SEMA3A: variants seen among roughly 807,000 people sequenced by gnomAD.
SEMA3A encodes the protein semaphorin 3A, also known as semaphorin-3A.
In SEMA3A, 29 loss-of-function variants were observed where a neutral mutation model predicts 97.9. The observed-to-expected ratio is 0.30, with a 90% CI of 0.22 to 0.40. The LOEUF (loss-of-function observed/expected upper bound fraction) is 0.40. Among genes scored for constraint, SEMA3A ranks in the 10% least tolerant of loss-of-function variants. The pLI is 1.00. For missense variants in SEMA3A, 763 were observed against 951.3 expected (o/e 0.80, Z 2.60); for synonymous variants, 321 against 323.7 (o/e 0.99, Z 0.09).
intron 1 of SEMA3A, among the ~76,000 whole-genome samples, chr7:84,484,644 T>C (rs764507556): frequency 6.6e-6 from 1 of 152,170 alleles, no homozygotes; most frequent in Admixed American, 6.6e-5. Context: ...AAAGATTTTA[T>C]GTAAAAATAT....
At chr7:84,313,018 T>C (rs1801382953) in intron 2 of SEMA3A, among the ~76,000 whole-genome samples, 1 of 143,382 alleles carries the variant, frequency 7.0e-6, no homozygotes, top group Non-Finnish European at 1.5e-5. Flanking sequence ...GTATATTATA[T>C]ATGTAGGTAT....
At chr7:84,110,406 T>A in intron 4 of SEMA3A, 64 bp downstream of exon 4, 1 of 1,575,482 alleles carries the variant, frequency 6.3e-7, no homozygotes, top group Non-Finnish European at 8.7e-7. Flanking sequence ...AAGAAATTAG[T>A]AATGAAGCAT....
intron 5 of SEMA3A, among the ~76,000 whole-genome samples, chr7:84,050,153 T>G (rs1023402417): frequency 2.0e-5 from 3 of 152,054 alleles, no homozygotes; most frequent in Non-Finnish European, 2.9e-5. Context: ...TTTGTTATTG[T>G]GAATAATGCC....
At chr7:84,343,715 T>A (rs73711529) in intron 2 of SEMA3A, among the ~76,000 whole-genome samples, 4,155 of 152,090 alleles carry the variant, frequency 0.027, 179 homozygotes, top group African/African-American at 0.095. Context: ...ATAGAAAAAT[T>A]GTGACTGGGC....
At chr7:84,037,448 C>G (rs1185610344) in intron 6 of SEMA3A, among the ~76,000 whole-genome samples, 1 of 152,064 alleles carries the variant, frequency 6.6e-6, no homozygotes, top group African/African-American at 2.4e-5. Flanking sequence ...CCATCTCAGC[C>G]TCCCAAGTAA....
Position 84,030,472 on chromosome 7 carries a change from A to C in SEMA3A, c.667+15852T>G, listed in dbSNP as rs144239949. On this transcript the variant is annotated intron_variant, in intron 6 of 16. Coordinates refer to ENST00000265362, the MANE Select transcript of SEMA3A (RefSeq NM_006080.3). Reference sequence around the variant, plus strand: ...TTTTTAAAAGTTTCAGTGCTTCAGCAGGAGCTAAAAAAAATTGAACACACC... The same window carrying C: ...TTTTTAAAAGTTTCAGTGCTTCAGCCGGAGCTAAAAAAAATTGAACACACC... Among the ~76,000 whole-genome samples the C allele has an allele frequency of 5.7e-3, 867 of 152,214 alleles. 5 individuals carry two copies. Among genetic ancestry groups the C allele is most frequent in the Middle Eastern group, 0.01 (3 of 294 alleles).
At chr7:84,460,575 T>C (rs1805808412) in intron 1 of SEMA3A, among the ~76,000 whole-genome samples, 1 of 152,212 alleles carries the variant, frequency 6.6e-6, no homozygotes, top group South Asian at 2.1e-4. Flanking sequence ...AGTTAAATGA[T>C]TATTCACAAT....
intron 15 of SEMA3A, among the ~76,000 whole-genome samples, chr7:83,972,487 G>C (rs952658957): frequency 3.3e-5 from 5 of 152,010 alleles, no homozygotes; most frequent in Non-Finnish European, 5.9e-5. Context: ...CTCTATGCCA[G>C]AGCAAAATTA....
intron 6 of SEMA3A, among the ~76,000 whole-genome samples, chr7:84,023,630 T>A (rs918786563): frequency 6.6e-6 from 1 of 152,134 alleles, no homozygotes; most frequent in Non-Finnish European, 1.5e-5. Context: ...GCGGAACATA[T>A]AACCCCACTG....
chr7:84,392,725 A>C (rs2116180518), intron 1 of SEMA3A, among the ~76,000 whole-genome samples: 1 of 152,286 alleles, frequency 6.6e-6, no homozygotes, highest in South Asian at 2.1e-4. Flanking sequence ...TCTTTTTAAT[A>C]ATAACCATTT....
intron 3 of SEMA3A, among the ~76,000 whole-genome samples, chr7:84,245,727 C>T (rs1584163322): frequency 6.6e-6 from 1 of 152,006 alleles, no homozygotes. Context: ...CCCCTGGAAA[C>T]TTTGTCCCAG....
intron 2 of SEMA3A, among the ~76,000 whole-genome samples, chr7:84,133,918 C>A (rs1234835260): frequency 1.4e-5 from 2 of 147,604 alleles, no homozygotes; most frequent in Non-Finnish European, 1.5e-5. Flanking sequence ...AAAAATTAGC[C>A]GGGCGTGGTG....
chr7:83,971,756 A>C (rs1199036359), intron 15 of SEMA3A, among the ~76,000 whole-genome samples: 1 of 152,208 alleles, frequency 6.6e-6, no homozygotes, highest in Non-Finnish European at 1.5e-5. Context: ...TAGCTTGCCA[A>C]GTACAAAAAT....
intron 4 of SEMA3A, among the ~76,000 whole-genome samples, chr7:84,066,491 G>A (rs1021866967): frequency 2.7e-5 from 4 of 146,684 alleles, no homozygotes; most frequent in African/African-American, 1.0e-4. Context: ...GTCCCTGTTT[G>A]CAGACGACAT....
intron 5 of SEMA3A, among the ~76,000 whole-genome samples, chr7:84,048,500 G>T (rs1471930847): frequency 1.3e-5 from 2 of 151,720 alleles, no homozygotes; most frequent in Non-Finnish European, 2.9e-5. Flanking sequence ...TTTGTTATTG[G>T]TCTGAGTGAA....
At chr7:84,388,643 T>G (rs895423387) in intron 1 of SEMA3A, among the ~76,000 whole-genome samples, 11 of 152,070 alleles carry the variant, frequency 7.2e-5, no homozygotes, top group African/African-American at 2.7e-4. Flanking sequence ...TATACTTTTT[T>G]TACATGTTTT....
At chr7:84,440,501 T>C (rs1339099935) in intron 1 of SEMA3A, among the ~76,000 whole-genome samples, 1 of 152,200 alleles carries the variant, frequency 6.6e-6, no homozygotes, top group Non-Finnish European at 1.5e-5. Context: ...GTGACTTTTA[T>C]GGGACTTAAA....
At chr7:83,975,699 TC>T (rs1789122208) in intron 15 of SEMA3A, among the ~76,000 whole-genome samples, 2 of 152,212 alleles carry the variant, frequency 1.3e-5, no homozygotes, top group Non-Finnish European at 2.9e-5. Context: ...AGTTACATTC[TC>T]CTGATTCTTT....
At chr7:84,198,630 C>CTATATATA (rs771573787), upstream of SEMA3A, among the ~76,000 whole-genome samples, 8 of 152,216 alleles carry the variant, frequency 5.3e-5, no homozygotes, top group Non-Finnish European at 1.0e-4. Flanking sequence ...CTATATGTAA[C>CTATATATA]TGTATTTGTA....
Sources: allele counts gnomAD v4.1 joint callset (sites outside exome capture counted in the v4.1 genomes callset), GRCh38; gene constraint gnomAD v4.1.1; transcripts MANE v1.5; gene names NCBI Gene and HGNC (gene_info 2026-07-23, HGNC 2026-07-21).